The following CHD5 variants were observed in gnomAD, a reference collection of about 807,000 sequenced individuals.
The protein encoded by CHD5 is chromodomain helicase DNA binding protein 5, also known as ATP-dependent chromatin remodeler CHD5.
In CHD5, 69 loss-of-function variants were observed where a neutral mutation model predicts 230.3. The observed-to-expected ratio is 0.30, with a 90% confidence interval of 0.25 to 0.37. The LOEUF (loss-of-function observed/expected upper bound fraction) is 0.37. Among genes scored for constraint, CHD5 ranks in the 10% least tolerant of loss-of-function variants. CHD5 has a pLI of 1.00. For synonymous variants in CHD5, 1,064 were observed against 1,065.9 expected (o/e 1.00, Z 0.03); for missense variants, 1,827 against 2,622.8 (o/e 0.70, Z 6.63).
Position 6,174,281 on chromosome 1 carries a change from A to G in CHD5, c.79+5664T>C, listed in dbSNP as rs535596724. ...GAGAGTGAAATAAGGACAGAGCCAC[A>G]GAGATAAGCAAAAGCCCAGAAAGTT... On this transcript the variant is annotated intron_variant, in intron 1 of 41. Coordinates refer to ENST00000262450, the MANE Select transcript of CHD5 (RefSeq NM_015557.3). Among the ~76,000 whole-genome samples, 45 of 152,336 alleles carry G rather than the reference A, an allele frequency of 3.0e-4. No individual in the cohort carries two copies. The South Asian group carries it at 8.7e-3, about 29-fold the overall frequency.
In CHD5 at chr1:6,154,351, G is replaced by A. The variant is rs1038953627; in HGVS notation, c.745+309C>T. Among the ~76,000 whole-genome samples the A allele has an allele frequency of 3.9e-5, 6 of 152,070 alleles. No homozygotes were observed. The highest frequency in any genetic ancestry group is 9.7e-5 in the African/African-American group (4 of 41,420). The stretch of plus-strand genomic sequence containing the variant: ...CTCCACTCTGCGTACCTCTGGTCCC[G>A]CCCTCCCTCCAGGCCCACGTCGGGG... On this transcript the variant is annotated intron_variant, in intron 5 of 41. Transcript: ENST00000262450. The surrounding 1 kb of genome is among the most constrained non-coding windows in gnomAD (Gnocchi z 7.0).
chr1:6,128,367 G>A lies in CHD5; in HGVS notation c.3730+132C>T, dbSNP rs1436500440. The A allele has an allele frequency of 2.7e-6, 3 of 1,104,420 alleles. No individual in the cohort carries two copies. In the African/African-American group the frequency reaches 4.6e-5, roughly 17 times the overall value. 68.4% of individuals were successfully genotyped at this position (1,104,420 alleles called of 1,614,324 possible). A position where few individuals can be genotyped will look rare whatever the true frequency, so the allele number is the denominator to read the frequency against. ...GTGACCAGACAGAGGAAACTGCGCTGTAACAGCCCCACTCGCCGCCCACCT... is the reference window on the plus strand; with the variant it reads ...GTGACCAGACAGAGGAAACTGCGCTATAACAGCCCCACTCGCCGCCCACCT... On this transcript the variant is annotated intron_variant, in intron 24 of 41. Transcript: ENST00000262450. The surrounding 1 kb of genome is among the most constrained non-coding windows in gnomAD (Gnocchi z 7.8).
In CHD5 at chr1:6,134,038, G is replaced by A; in HGVS notation, c.3144+90C>T. ...ATGGGAACGGCACTGGGCCCTGAGGGGTGCCAGCAAGTTTGCGCCCCCAAG... is the reference window on the plus strand; with the variant it reads ...ATGGGAACGGCACTGGGCCCTGAGGAGTGCCAGCAAGTTTGCGCCCCCAAG... On this transcript the variant is annotated intron_variant, in intron 20 of 41. Transcript: ENST00000262450. The surrounding 1 kb of genome is among the most constrained non-coding windows in gnomAD (Gnocchi z 6.3). The A allele has an allele frequency of 7.6e-7, 1 of 1,318,476 alleles. No homozygotes were observed. Among genetic ancestry groups the A allele is most frequent in the Non-Finnish European group, 1.1e-6 (1 of 945,018 alleles). The allele number at this position is 1,318,476 out of a possible 1,614,324, so 81.7% of individuals were successfully genotyped here. A position where few individuals can be genotyped will look rare whatever the true frequency, so the allele number is the denominator to read the frequency against.
At chr1:6,152,277 G>A (rs1667018545) in intron 6 of CHD5, 135 bp downstream of exon 6, 2 of 913,966 alleles carry the variant, frequency 2.2e-6, no homozygotes. Flanking sequence ...AGGATGGAAG[G>A]AGAATAGTGG....
At chr1:6,177,488 G>A (rs986579248) in intron 1 of CHD5, among the ~76,000 whole-genome samples, 2 of 152,200 alleles carry the variant, frequency 1.3e-5, no homozygotes, top group Non-Finnish European at 2.9e-5. Flanking sequence ...AGATCCAGGA[G>A]GAAACTGATG....
At chr1:6,150,915 G>C (rs1262780852) in intron 7 of CHD5, 117 bp downstream of exon 7, 47 of 1,269,212 alleles carry the variant, frequency 3.7e-5, no homozygotes, top group Non-Finnish European at 3.9e-5. Context: ...CCCACGGGGA[G>C]GTTCCATGCC....
Position 6,121,167 on chromosome 1 carries a change from G to A in CHD5, c.4850C>T (p.Ala1617Val). ...KHESPASKERAREERPEETEK... is the reference protein window; with the variant it reads ...KHESPASKERVREERPEETEK... ...CGTCTCCTCTGGCCGCTCCTCTCGG[G>A]CTCTCTCCTTGCTGGCTGGGCTCTC... The change falls in exon 33 of 42, where the codon GCC becomes GTC. Residue 1617 changes from alanine (A) to valine (V), a missense_variant. Ala to Val is a moderately conservative substitution (Grantham distance 64). Around this residue, in one of 14 missense-constraint regions of CHD5, gnomAD observed 272 missense variants for 263.2 expected, o/e 1.03. Coordinates refer to ENST00000262450, the MANE Select transcript of CHD5 (RefSeq NM_015557.3). The surrounding 1 kb of genome is among the most constrained non-coding windows in gnomAD (Gnocchi z 4.5). 6.2e-7 allele frequency: 1 copy of A among 1,614,012 alleles called. No individual in the cohort carries two copies.
intron 1 of CHD5, among the ~76,000 whole-genome samples, chr1:6,175,860 T>C (rs768917054): frequency 6.6e-6 from 1 of 151,494 alleles, no homozygotes; most frequent in African/African-American, 2.4e-5. Flanking sequence ...GTGGGAAGCA[T>C]GGACGAATAG....
rs771002339 is a variant in CHD5 at position 6,146,784 on chromosome 1, G to A, written c.1471C>T (p.Pro491Ser). Reference protein sequence around the residue: ...PAPFMVGLPGPDVEPSLPPPK... With the variant: ...PAPFMVGLPGSDVEPSLPPPK... The stretch of plus-strand genomic sequence containing the variant: ...GGAGGGAGGCTGGGCTCCACGTCAG[G>A]CCCCGGCAGCCCCACCATGAAGGGG... The change falls in exon 10 of 42, where the codon CCT (proline) becomes TCT (serine). Residue 491 changes from proline to serine, a missense_variant. Pro to Ser is a moderately conservative substitution (Grantham distance 74). This residue lies in a region of CHD5 where 657 missense variants were observed against 816.4 expected (regional missense o/e 0.80). Coordinates refer to ENST00000262450, the MANE Select transcript of CHD5 (RefSeq NM_015557.3). The surrounding 1 kb of genome is among the most constrained non-coding windows in gnomAD (Gnocchi z 5.1). 1 of 1,596,944 alleles carries A rather than the reference G, an allele frequency of 6.3e-7. No individual in the cohort carries two copies. The highest frequency in any genetic ancestry group is 1.3e-5 in the African/African-American group (1 of 74,718).
chr1:6,126,864 G>T lies in CHD5; in HGVS notation c.3904-118C>A. 1.1e-6 allele frequency: 1 copy of T among 877,028 alleles called. No homozygotes were observed. Among genetic ancestry groups the T allele is most frequent in the Non-Finnish European group, 1.8e-6 (1 of 570,670 alleles). The allele number at this position is 877,028 out of a possible 1,614,324, so 54.3% of individuals were successfully genotyped here. ...CTCAGGGCTCAAGGATTAATGGGAT[G>T]GCCTGCCTACTCCAGGAAGCCTTCT... On this transcript the variant is annotated intron_variant, in intron 25 of 41. Coordinates refer to ENST00000262450, the MANE Select transcript of CHD5 (RefSeq NM_015557.3). This position sits in a 1 kb window ranked among gnomAD's most constrained non-coding sequence, Gnocchi z 5.7.
Position 6,123,970 on chromosome 1 carries a change from C to A in CHD5, c.4677G>T (p.Leu1559=). ...TPVPASPAHL[L]PAPLGLPDKM... ...GACCTGGCAGGCCCAGCGGGGCTGG[C>A]AGGAGGTGGGCAGGGCTGGCGGGCA... The change falls in exon 31 of 42, where the codon CTG becomes CTT. Residue 1559 remains leucine (L), a synonymous_variant. Transcript: ENST00000262450. 1 of 1,593,036 alleles carries A rather than the reference C, an allele frequency of 6.3e-7. No homozygotes were observed.
At position 6,128,860 on chromosome 1, in the gene CHD5, T is replaced by C; in HGVS notation, c.3597A>G (p.Glu1199=). The change falls in exon 23 of 42, where the codon GAA becomes GAG. Residue 1199 remains glutamate (E), a synonymous_variant. Coordinates refer to ENST00000262450, the MANE Select transcript of CHD5 (RefSeq NM_015557.3). The surrounding 1 kb of genome is among the most constrained non-coding windows in gnomAD (Gnocchi z 7.8). ...CACCCTCCACGTCGTCCTTGAAGAGTTCCTCCGTGCCGAACTTGAGGATGT... is the reference window on the plus strand; with the variant it reads ...CACCCTCCACGTCGTCCTTGAAGAGCTCCTCCGTGCCGAACTTGAGGATGT... ...LDDILKFGTE[E]LFKDDVEGMM... The C allele has an allele frequency of 3.1e-6, 5 of 1,612,246 alleles. No individual in the cohort carries two copies. Among genetic ancestry groups the C allele is most frequent in the Non-Finnish European group, 4.2e-6 (5 of 1,179,184 alleles).
chr1:6,109,697 A>G, intron 38 of CHD5, 98 bp downstream of exon 38: 2 of 1,055,954 alleles, frequency 1.9e-6, no homozygotes, highest in South Asian at 2.9e-5. Flanking sequence ...ATCTGTCCCC[A>G]GCCCCTACCC....
chr1:6,173,288 T>G (rs1391984955), intron 1 of CHD5, among the ~76,000 whole-genome samples: 1 of 152,004 alleles, frequency 6.6e-6, no homozygotes, highest in Non-Finnish European at 1.5e-5. Context: ...GTATTTTTAG[T>G]AGAGCCAGGG....
chr1:6,150,478 ACG>A (rs1286627907), intron 7 of CHD5, among the ~76,000 whole-genome samples: 6 of 149,598 alleles, frequency 4.0e-5, no homozygotes, highest in Non-Finnish European at 7.4e-5. Flanking sequence ...GGACGGACGG[ACG>A]GACGGATGGA....
At chr1:6,106,014 T>A (rs1170302273) in intron 41 of CHD5, among the ~76,000 whole-genome samples, 6 of 151,970 alleles carry the variant, frequency 3.9e-5, no homozygotes, top group African/African-American at 1.5e-4. Flanking sequence ...CACCCCAGCC[T>A]CCCAGTGGAC....
chr1:6,119,661 A>G (rs966011436), intron 33 of CHD5, among the ~76,000 whole-genome samples: 4 of 152,006 alleles, frequency 2.6e-5, no homozygotes, highest in African/African-American at 7.2e-5. Context: ...AAACTTGAAC[A>G]ATATAATTAG....
At chr1:6,173,740 C>T (rs113566941) in intron 1 of CHD5, among the ~76,000 whole-genome samples, 4 of 152,306 alleles carry the variant, frequency 2.6e-5, no homozygotes, top group South Asian at 2.1e-4. Flanking sequence ...CAGAGGGCAG[C>T]GGTCTCTAGT....
chr1:6,162,117 C>T (rs1667188507), intron 2 of CHD5, among the ~76,000 whole-genome samples: 1 of 152,132 alleles, frequency 6.6e-6, no homozygotes, highest in African/African-American at 2.4e-5. Context: ...CGCGGTGACT[C>T]ACGCTTGAAA....
Sources: gnomAD v4.1 joint callset for allele counts (sites outside exome capture counted in the v4.1 genomes callset) on GRCh38, gnomAD v4.1.1 for gene constraint, gnomAD v4.1.1 regional missense constraint, Gnocchi (gnomAD v3.1) non-coding constraint, MANE v1.5 for transcripts, NCBI Gene and HGNC (gene_info 2026-07-23, HGNC 2026-07-21) for gene names.